The following XKR4 variants were observed in gnomAD, a reference collection of about 807,000 sequenced individuals.
The protein encoded by XKR4 is XK-related protein 4.
In XKR4, 12 loss-of-function variants were observed where a neutral mutation model predicts 53.9. That is an observed-to-expected ratio of 0.22 (90% CI 0.14 to 0.36). XKR4 has a LOEUF of 0.36. Ranked by LOEUF, XKR4 falls within the 10% of genes least tolerant of loss-of-function variation. The pLI, the probability that XKR4 is intolerant of heterozygous loss-of-function variation, is 1.00. For synonymous variants in XKR4, 354 were observed against 362.4 expected, an observed-to-expected ratio of 0.98 and a Z score of 0.26; for missense variants, 799 against 859.5, an observed-to-expected ratio of 0.93 and a Z score of 0.88.
At chr8:55,128,976 A>G (rs1182948654) in intron 1 of XKR4, among the ~76,000 whole-genome samples, 2 of 152,198 alleles carry the variant, frequency 1.3e-5, no homozygotes, top group Non-Finnish European at 2.9e-5. Context: ...AACAATGGTG[A>G]TAGGCTCTCA....
At chr8:55,272,866 A>G (rs1174396676) in intron 1 of XKR4, 1 of 447,498 alleles carries the variant, frequency 2.2e-6, no homozygotes, top group Non-Finnish European at 4.4e-6. Flanking sequence ...TAGCTGTAGA[A>G]TGACTTCCTT....
chr8:55,483,775 A>G (rs1470175546), intron 2 of XKR4, among the ~76,000 whole-genome samples: 1 of 150,360 alleles, frequency 6.7e-6, no homozygotes, highest in African/African-American at 2.5e-5. Context: ...CAAAAAAAAA[A>G]GTAGAAAGGG....
intron 2 of XKR4, among the ~76,000 whole-genome samples, chr8:55,435,395 T>C (rs1805159415): frequency 6.6e-6 from 1 of 151,966 alleles, no homozygotes; most frequent in South Asian, 2.1e-4. Context: ...TCTCAGACCC[T>C]GTGAGTACCC....
At chr8:55,136,111 C>T (rs182727028) in intron 1 of XKR4, among the ~76,000 whole-genome samples, 27 of 152,266 alleles carry the variant, frequency 1.8e-4, no homozygotes, top group Admixed American at 6.5e-4. Flanking sequence ...CCAGGCTGGC[C>T]TCAATCTCCT....
rs550704193 is a variant in XKR4 at position 55,285,819 on chromosome 8, C to T, written c.807-71859C>T. Among the ~76,000 whole-genome samples, 7 of 152,270 alleles carry T rather than the reference C, an allele frequency of 4.6e-5. No individual in the cohort carries two copies. The East Asian group carries it at 9.7e-4, about 21-fold the overall frequency. ...GCCCATAGGGGCAACTGTTTCTGAA[C>T]GTGTTTATCAACCCCTATACCCCTC... On this transcript the variant is annotated intron_variant, in intron 1 of 2. Transcript: ENST00000327381.
Position 55,510,673 on chromosome 8 carries a change from G to A in XKR4, c.1007-12608G>A, listed in dbSNP as rs149241837. Among the ~76,000 whole-genome samples, 604 of 152,214 alleles carry A rather than the reference G, an allele frequency of 4.0e-3. 4 individuals are homozygous for A. The highest frequency in any genetic ancestry group is 0.013 in the African/African-American group (560 of 41,540). ...TCAGCTGAGATCAAGCTGCTGCTCCGGAAAAAGAGCAGCAAGTTACTCTCC... is the reference window on the plus strand; with the variant it reads ...TCAGCTGAGATCAAGCTGCTGCTCCAGAAAAAGAGCAGCAAGTTACTCTCC... On this transcript the variant is annotated intron_variant, in intron 2 of 2. Transcript: ENST00000327381.
intron 1 of XKR4, among the ~76,000 whole-genome samples, chr8:55,224,684 G>A (rs978591465): frequency 2.6e-5 from 4 of 152,156 alleles, no homozygotes; most frequent in African/African-American, 7.2e-5. Context: ...CATTTCTCAA[G>A]TGTGTTGAGG....
At chr8:55,409,764 T>C (rs1199650775) in intron 2 of XKR4, among the ~76,000 whole-genome samples, 1 of 152,172 alleles carries the variant, frequency 6.6e-6, no homozygotes, top group East Asian at 1.9e-4. Flanking sequence ...TCTATGGCCC[T>C]AGGATCTCTT....
chr8:55,488,614 A>G (rs1490270136), intron 2 of XKR4, among the ~76,000 whole-genome samples: 1 of 152,328 alleles, frequency 6.6e-6, no homozygotes, highest in Non-Finnish European at 1.5e-5. Flanking sequence ...TTTCAACTAT[A>G]TGATATTCTG....
chr8:55,388,722 A>G (rs1804389832), intron 2 of XKR4, among the ~76,000 whole-genome samples: 1 of 152,212 alleles, frequency 6.6e-6, no homozygotes, highest in South Asian at 2.1e-4. Context: ...AGAGGACACA[A>G]CCATTCAGTC....
chr8:55,180,388 G>C (rs1404466839), intron 1 of XKR4, among the ~76,000 whole-genome samples: 1 of 152,190 alleles, frequency 6.6e-6, no homozygotes, highest in African/African-American at 2.4e-5. Flanking sequence ...TTTTATTTTA[G>C]AGAGGTAAAA....
chr8:55,271,848 T>C (rs1255450937), intron 1 of XKR4, among the ~76,000 whole-genome samples: 1 of 152,198 alleles, frequency 6.6e-6, no homozygotes, highest in African/African-American at 2.4e-5. Flanking sequence ...GGACTGTCTC[T>C]AGAGAGCAAT....
At chr8:55,303,938 C>T (rs1819248208) in intron 1 of XKR4, among the ~76,000 whole-genome samples, 1 of 151,968 alleles carries the variant, frequency 6.6e-6, no homozygotes, top group South Asian at 2.1e-4. Flanking sequence ...TTGATCTTTT[C>T]AAAAAACCAG....
chr8:55,367,756 G>T (rs551089313), intron 2 of XKR4, among the ~76,000 whole-genome samples: 1 of 151,832 alleles, frequency 6.6e-6, no homozygotes, highest in Non-Finnish European at 1.5e-5. Flanking sequence ...CCTCACCCCC[G>T]ATCCAGTCCA....
chr8:55,251,111 G>A (rs1481334337), intron 1 of XKR4, among the ~76,000 whole-genome samples: 2 of 152,340 alleles, frequency 1.3e-5, no homozygotes, highest in East Asian at 3.9e-4. Context: ...GTAGACGTAA[G>A]TACAGTTACA....
intron 2 of XKR4, among the ~76,000 whole-genome samples, chr8:55,445,478 C>T (rs1265097233): frequency 1.3e-5 from 2 of 151,876 alleles, no homozygotes; most frequent in Non-Finnish European, 1.5e-5. Context: ...ATATGTCTGC[C>T]CCATTAATAT....
At chr8:55,169,928 A>G (rs1817134430) in intron 1 of XKR4, among the ~76,000 whole-genome samples, 1 of 152,220 alleles carries the variant, frequency 6.6e-6, no homozygotes, top group Non-Finnish European at 1.5e-5. Flanking sequence ...AGAATTTGCT[A>G]ACACTTCTTG....
chr8:55,317,050 C>T (rs746688010), intron 1 of XKR4, among the ~76,000 whole-genome samples: 8 of 152,126 alleles, frequency 5.3e-5, no homozygotes, highest in Non-Finnish European at 8.8e-5. Flanking sequence ...GCACCTACTA[C>T]CTCTACTACC....
At chr8:55,241,372 C>A (rs1818208144) in intron 1 of XKR4, among the ~76,000 whole-genome samples, 1 of 152,150 alleles carries the variant, frequency 6.6e-6, no homozygotes, top group Non-Finnish European at 1.5e-5. Flanking sequence ...CTTTAAGTTG[C>A]AGGAGCATTT....
Sources: gnomAD v4.1 joint callset for allele counts (sites outside exome capture counted in the v4.1 genomes callset) on GRCh38, gnomAD v4.1.1 for gene constraint, MANE v1.5 for transcripts, NCBI Gene and HGNC (gene_info 2026-07-23, HGNC 2026-07-21) for gene names.